The following SULF2 variants were observed in gnomAD, a reference collection of about 807,000 sequenced individuals.
SULF2 encodes the protein sulfatase 2, also known as extracellular sulfatase Sulf-2.
Under a neutral mutation model 107.7 loss-of-function variants are expected in SULF2, and 52 were observed. The ratio of observed to expected loss-of-function variants is 0.48; its 90% confidence interval spans 0.39 to 0.61. The LOEUF is 0.61. Among genes scored for constraint, SULF2 ranks in the 20% least tolerant of loss-of-function variants. The probability of loss-of-function intolerance (pLI) is 0.00; values close to 1 mark genes in which losing one functional copy is unlikely to be tolerated. For synonymous variants in SULF2, 460 were observed against 464.3 expected, an observed-to-expected ratio of 0.99 and a Z score of 0.12; for missense variants, 993 against 1,177.3, an observed-to-expected ratio of 0.84 and a Z score of 2.29.
At chr20:47,755,889 C>A (rs559964796) in intron 2 of SULF2, among the ~76,000 whole-genome samples, 1 of 151,436 alleles carries the variant, frequency 6.6e-6, no homozygotes, top group African/African-American at 2.4e-5. Context: ...ACGGCCCCAG[C>A]TCCCTCCACT....
At chr20:47,673,522 C>T (rs557501035) in intron 10 of SULF2, among the ~76,000 whole-genome samples, 11 of 152,236 alleles carry the variant, frequency 7.2e-5, no homozygotes, top group Admixed American at 2.6e-4. Context: ...CCGTCTGCCC[C>T]CGCCCGCTGC....
Position 47,741,200 on chromosome 20 carries a change from C to T in SULF2, c.176-4258G>A, listed in dbSNP as rs191078595. ...CTCACTCAGAGGAGCCCAAATCTTT[C>T]TGGCCATCCACAGAGTGTGGTGGGA... On this transcript the variant is annotated intron_variant, in intron 2 of 20. Coordinates refer to ENST00000688720, the MANE Select transcript of SULF2 (RefSeq NM_001387048.1). Among the ~76,000 whole-genome samples the T allele has an allele frequency of 9.2e-5, 14 of 152,284 alleles. No homozygotes were observed. The East Asian group carries it at 1.9e-3, about 21-fold the overall frequency.
chr20:47,724,630 T>C (rs1469798679), intron 3 of SULF2, among the ~76,000 whole-genome samples: 1 of 152,218 alleles, frequency 6.6e-6, no homozygotes, highest in Non-Finnish European at 1.5e-5. Flanking sequence ...CAGGTTTTAT[T>C]GCCTGCTGAG....
At chr20:47,767,519 G>A (rs1009437450) in intron 1 of SULF2, among the ~76,000 whole-genome samples, 71 of 152,036 alleles carry the variant, frequency 4.7e-4, no homozygotes, top group African/African-American at 1.6e-3. Flanking sequence ...AGTGGCTCAC[G>A]CCTGTTATCC....
chr20:47,754,472 C>T (rs752224794), intron 2 of SULF2, among the ~76,000 whole-genome samples: 1 of 129,554 alleles, frequency 7.7e-6, no homozygotes, highest in African/African-American at 2.9e-5. Flanking sequence ...CTCCCACAAC[C>T]ACCTTCCCAT....
In SULF2 at chr20:47,659,437, T is replaced by C. The variant is rs1418000665; in HGVS notation, c.2544A>G (p.Arg848=). ...SYEQYRQFQR[R]KWPEMKRPSS... ...AAGGTCTCTTCATTTCTGGCCACTTTCGACGCTGAAACTGCCTAAGTTTTC... is the reference window on the plus strand; with the variant it reads ...AAGGTCTCTTCATTTCTGGCCACTTCCGACGCTGAAACTGCCTAAGTTTTC... The change falls in exon 20 of 21, where the codon CGA becomes CGG. Residue 848 remains arginine (R), a synonymous_variant. Coordinates refer to ENST00000688720, the MANE Select transcript of SULF2 (RefSeq NM_001387048.1). 1 of 1,614,078 alleles carries C rather than the reference T, an allele frequency of 6.2e-7. No homozygotes were observed. Among genetic ancestry groups the C allele is most frequent in the Non-Finnish European group, 8.5e-7 (1 of 1,180,038 alleles).
rs549230437 is a variant in SULF2, at chr20:47,782,978, C to T, written c.-101+2365G>A. Among the ~76,000 whole-genome samples, 9 of 152,268 alleles carry T rather than the reference C, an allele frequency of 5.9e-5. No individual in the cohort carries two copies. In the East Asian group the frequency reaches 9.6e-4, roughly 16 times the overall value. ...GAGTCCAGTGGTTCCAAGTGGACCC[C>T]GGAGCTTGAGGGCCTCTTGAATCCC... On this transcript the variant is annotated intron_variant, in intron 1 of 20. Coordinates refer to ENST00000688720, the MANE Select transcript of SULF2 (RefSeq NM_001387048.1).
intron 1 of SULF2, among the ~76,000 whole-genome samples, chr20:47,768,313 GTTCT>G (rs1290039740): frequency 6.6e-6 from 1 of 152,222 alleles, no homozygotes; most frequent in Non-Finnish European, 1.5e-5. Context: ...TTTGGGTTGG[GTTCT>G]TTGTTTCAGG....
intron 3 of SULF2, among the ~76,000 whole-genome samples, chr20:47,730,298 G>A (rs150822398): frequency 2.6e-5 from 4 of 152,322 alleles, no homozygotes; most frequent in East Asian, 3.9e-4. Flanking sequence ...CCATCTCTGC[G>A]AAAGTCTGGA....
intron 18 of SULF2, 82 bp from the exon 19 acceptor site, chr20:47,659,812 T>TA: frequency 1.8e-6 from 2 of 1,083,030 alleles, no homozygotes; most frequent in Non-Finnish European, 2.8e-6. Flanking sequence ...AACCATCTTA[T>TA]GCTTTTTTGT....
chr20:47,667,548 C>T (rs560037930), intron 11 of SULF2, among the ~76,000 whole-genome samples: 3 of 152,126 alleles, frequency 2.0e-5, no homozygotes, highest in Admixed American at 1.3e-4. Context: ...GCCCACAGTT[C>T]CATATGGTCA....
At position 47,694,526 on chromosome 20, in the gene SULF2, A is replaced by G. The variant is rs1275296343; in HGVS notation, c.568-4231T>C. Reference sequence around the variant, plus strand: ...GTGCATTTTCCAGAACCCGGCGCCCAGGAGTCAGGCTCTACCCAGGTGCTG... The same window carrying G: ...GTGCATTTTCCAGAACCCGGCGCCCGGGAGTCAGGCTCTACCCAGGTGCTG... On this transcript the variant is annotated intron_variant, in intron 4 of 20. Coordinates refer to ENST00000688720, the MANE Select transcript of SULF2 (RefSeq NM_001387048.1). The surrounding 1 kb of genome is among the most constrained non-coding windows in gnomAD (Gnocchi z 4.4). 6.6e-6 allele frequency among the ~76,000 whole-genome samples: 1 copy of G among 152,144 alleles called. No individual in the cohort carries two copies. The highest frequency in any genetic ancestry group is 1.5e-5 in the Non-Finnish European group (1 of 67,994).
rs547504248 is a variant in SULF2 at position 47,668,798 on chromosome 20, C to A, written c.1577-2310G>T. 2.0e-5 allele frequency among the ~76,000 whole-genome samples: 3 copies of A among 152,236 alleles called. No homozygotes were observed. In the South Asian group the frequency reaches 6.2e-4, roughly 32 times the overall value. Reference sequence around the variant, plus strand: ...CTCCCTGCCTCTCCACGCCGGTGACCGCCTGTGTGATGTGGCTGCCCATGC... The same window carrying A: ...CTCCCTGCCTCTCCACGCCGGTGACAGCCTGTGTGATGTGGCTGCCCATGC... On this transcript the variant is annotated intron_variant, in intron 11 of 20. Coordinates refer to ENST00000688720, the MANE Select transcript of SULF2 (RefSeq NM_001387048.1).
At chr20:47,667,511 T>G (rs1261358686) in intron 11 of SULF2, among the ~76,000 whole-genome samples, 1 of 151,852 alleles carries the variant, frequency 6.6e-6, no homozygotes, top group Non-Finnish European at 1.5e-5. Context: ...ATTTCCAGCT[T>G]CCAGAAAGGA....
chr20:47,674,137 A>G (rs7261940), intron 10 of SULF2, among the ~76,000 whole-genome samples: 132,934 of 152,336 alleles, frequency 0.87, 58,411 homozygotes, highest in African/African-American at 0.97. Flanking sequence ...AAAAACAAAT[A>G]TGTGGCCTGC....
At chr20:47,687,047 G>A (rs1159878126) in intron 5 of SULF2, among the ~76,000 whole-genome samples, 5 of 152,156 alleles carry the variant, frequency 3.3e-5, no homozygotes, top group African/African-American at 4.8e-5. Context: ...GCGAGCGTGT[G>A]GGAAAATTGG....
At chr20:47,737,003 G>C in intron 2 of SULF2, 61 bp from the exon 3 acceptor site, 1 of 1,604,718 alleles carries the variant, frequency 6.2e-7, no homozygotes, top group South Asian at 1.1e-5. Context: ...CCGGCACCAG[G>C]GGGCTCTCAG....
intron 11 of SULF2, 131 bp downstream of exon 11, chr20:47,672,067 C>T (rs988145486): frequency 3.1e-6 from 3 of 956,928 alleles, no homozygotes; most frequent in Non-Finnish European, 4.6e-6. Context: ...GGAGATGTGG[C>T]TGTGTCCCCA....
chr20:47,666,461 C>A lies in SULF2; in HGVS notation c.1604G>T (p.Arg535Leu), dbSNP rs776173065. Residue 535 changes from arginine (R) to leucine (L), a missense_variant, in exon 12 of 21, where the codon CGC becomes CTC. Transcript: ENST00000688720. This position sits in a 1 kb window ranked among gnomAD's most constrained non-coding sequence, Gnocchi z 5.4. ...KKYKASYVRS[R>L]SIRSVAIEVD... is the part of the protein sequence containing the mutation. Reference sequence around the variant, plus strand: ...CTCGATGGCCACTGAGCGGATGGAGCGACTGCGGACATAGCTGGCCTTGTA... The same window carrying A: ...CTCGATGGCCACTGAGCGGATGGAGAGACTGCGGACATAGCTGGCCTTGTA... 6.2e-7 allele frequency: 1 copy of A among 1,613,356 alleles called. No homozygotes were observed. The highest frequency in any genetic ancestry group is 1.3e-5 in the African/African-American group (1 of 74,926).
Sources: allele counts gnomAD v4.1 joint callset (sites outside exome capture counted in the v4.1 genomes callset), GRCh38; gene constraint gnomAD v4.1.1; non-coding constraint Gnocchi (gnomAD v3.1); transcripts MANE v1.5; gene names NCBI Gene and HGNC (gene_info 2026-07-23, HGNC 2026-07-21).